Variants in TARS3 observed in about 807,000 individuals in gnomAD.
TARS3 encodes threonine--tRNA ligase 2, cytoplasmic.
A neutral mutation model predicts 103.5 loss-of-function variants in TARS3; 94 were observed. That is an observed-to-expected ratio of 0.91 (90% CI 0.77 to 1.08). The LOEUF is 1.08. TARS3 is among the 50% of genes least tolerant of loss of function. The probability of loss-of-function intolerance (pLI) is 0.00; values close to 1 mark genes in which losing one functional copy is unlikely to be tolerated. For missense variants in TARS3, 952 were observed against 995.2 expected (o/e 0.96, Z 0.58); for synonymous variants, 416 against 355.4 (o/e 1.17, Z -1.92).
At chr15:101,657,959 G>C (rs1216990571) in intron 16 of TARS3, 102 bp from the exon 17 acceptor site, 3 of 708,300 alleles carry the variant, frequency 4.2e-6, no homozygotes, top group Admixed American at 6.1e-5. Flanking sequence ...TTCACAAGAG[G>C]GCAGTTTCAG....
chr15:101,656,223 G>C (rs1394005843), intron 18 of TARS3, among the ~76,000 whole-genome samples: 1 of 152,230 alleles, frequency 6.6e-6, no homozygotes, highest in East Asian at 1.9e-4. Flanking sequence ...TCTAAACCAA[G>C]TTGAGATTTC....
At chr15:101,655,271 G>A (rs539266550) in intron 18 of TARS3, among the ~76,000 whole-genome samples, 2 of 136,700 alleles carry the variant, frequency 1.5e-5, no homozygotes, top group Admixed American at 7.2e-5. Flanking sequence ...GCTCTTACAG[G>A]CTCACAGTGA....
rs149239243 is a variant in TARS3, at chr15:101,712,012, T to G, written c.691-11A>C. On this transcript the variant is annotated splice_polypyrimidine_tract_variant and intron_variant, in intron 4 of 18. Transcript: ENST00000335968. ...GGAGTGCCAGTACACCTGCATGGCA[T>G]GGACAAAGAGGCCATTAGCTACCAA... 160 of 1,607,138 alleles carry G rather than the reference T, an allele frequency of 1.0e-4. No individual in the cohort carries two copies. In the African/African-American group the frequency reaches 2.0e-3, roughly 20 times the overall value.
In TARS3 at chr15:101,671,743, C is replaced by T; in HGVS notation, c.1794G>A (p.Leu598=). Reference sequence around the variant, plus strand: ...CTCCAAAGTCCATCAAGCTGTTCTGCAGTTGCTTTTTCAAAAGAAGAAAAA... The same window carrying T: ...CTCCAAAGTCCATCAAGCTGTTCTGTAGTTGCTTTTTCAAAAGAAGAAAAA... ...IEMWNEAEKQ[L]QNSLMDFGEP... is the part of the protein sequence containing the mutation. Residue 598 remains leucine (L), a synonymous_variant, in exon 14 of 19, where the codon CTG becomes CTA. Coordinates refer to ENST00000335968, the MANE Select transcript of TARS3 (RefSeq NM_152334.3). The T allele has an allele frequency of 6.2e-7, 1 of 1,612,620 alleles. No homozygotes were observed. The highest frequency in any genetic ancestry group is 8.5e-7 in the Non-Finnish European group (1 of 1,179,652).
At chr15:101,718,471 C>A (rs1900276102) in intron 3 of TARS3, among the ~76,000 whole-genome samples, 1 of 152,116 alleles carries the variant, frequency 6.6e-6, no homozygotes, top group South Asian at 2.1e-4. Context: ...GGGAGGCTCC[C>A]TCTGCCCGTG....
rs2141432765 is a variant in TARS3, at chr15:101,703,861, TA to T, written c.1071del (p.Phe357LeufsTer30). Reference protein sequence around the residue: ...HTGKIKTIKIFKNSSTYWEGN... With the variant: ...HTGKIKTIKIXKNSSTYWEGN... ...ATTAAAAAAAAATCAATCCTTACCT[TA>T]AAAATTTTGATGGTTTTAATTTTTC... On this transcript the variant is annotated frameshift_variant, in exon 8 of 19. Coordinates refer to ENST00000335968, the MANE Select transcript of TARS3 (RefSeq NM_152334.3). LOFTEE classifies it high-confidence loss of function. 1 of 1,609,914 alleles carries T rather than the reference TA, an allele frequency of 6.2e-7. No homozygotes were observed. Among genetic ancestry groups the T allele is most frequent in the South Asian group, 1.1e-5 (1 of 90,638 alleles).
intron 13 of TARS3, among the ~76,000 whole-genome samples, chr15:101,674,285 G>A (rs896348849): frequency 1.3e-5 from 2 of 152,144 alleles, no homozygotes; most frequent in East Asian, 1.9e-4. Context: ...TGTGTTACTA[G>A]CAATCTGGAT....
chr15:101,720,009 C>T (rs889709710), intron 3 of TARS3, among the ~76,000 whole-genome samples: 9 of 152,224 alleles, frequency 5.9e-5, no homozygotes, highest in African/African-American at 2.2e-4. Flanking sequence ...TTGAGAAATA[C>T]TGACCCAACA....
rs896340491 is a variant in TARS3 at position 101,712,101 on chromosome 15, A to G, written c.691-100T>C. 4 of 1,313,928 alleles carry G rather than the reference A, an allele frequency of 3.0e-6. No homozygotes were observed. The African/African-American group carries it at 4.5e-5, about 15-fold the overall frequency. The allele number at this position is 1,313,928 out of a possible 1,614,324, so 81.4% of individuals were successfully genotyped here. On this transcript the variant is annotated intron_variant, in intron 4 of 18. Coordinates refer to ENST00000335968, the MANE Select transcript of TARS3 (RefSeq NM_152334.3). ...CCAGTAGAAAATTTTAAGGAGATAC[A>G]TGGCAAGACCAAGGGCAGCAACATC...
chr15:101,684,254 AAC>A lies in TARS3; in HGVS notation c.1488-19_1488-18del, dbSNP rs1275894931. 3 of 1,611,176 alleles carry A rather than the reference AAC, an allele frequency of 1.9e-6. No homozygotes were observed. The highest frequency in any genetic ancestry group is 2.2e-5 in the South Asian group (2 of 90,688). On this transcript the variant is annotated intron_variant, in intron 11 of 18. Coordinates refer to ENST00000335968, the MANE Select transcript of TARS3 (RefSeq NM_152334.3). The stretch of plus-strand genomic sequence containing the variant: ...AACATTAGACTAGAAAAGATGTGGT[AAC>A]ACACAGCTTTTACACAGCACAGAAA...
At chr15:101,695,809 G>C (rs1448009270) in intron 10 of TARS3, 1 of 152,500 alleles carries the variant, frequency 6.6e-6, no homozygotes, top group Non-Finnish European at 1.5e-5. Context: ...GGAGGCTGAG[G>C]CAGGAGAATC....
chr15:101,711,395 C>T (rs775940594), intron 5 of TARS3, among the ~76,000 whole-genome samples: 27 of 152,200 alleles, frequency 1.8e-4, no homozygotes, highest in Non-Finnish European at 2.5e-4. Flanking sequence ...GACCCTTGAA[C>T]AACAAAGGTT....
intron 15 of TARS3, among the ~76,000 whole-genome samples, chr15:101,664,949 T>G (rs1897522805): frequency 6.6e-6 from 1 of 152,164 alleles, no homozygotes; most frequent in Admixed American, 6.5e-5. Flanking sequence ...AACTGAAAAC[T>G]ACAATCACAG....
chr15:101,694,563 A>G (rs901877110), intron 10 of TARS3, among the ~76,000 whole-genome samples: 1 of 152,218 alleles, frequency 6.6e-6, no homozygotes, highest in East Asian at 1.9e-4. Context: ...AACCTCAGGG[A>G]GGACCTTGAG....
intron 10 of TARS3, among the ~76,000 whole-genome samples, chr15:101,697,432 C>A (rs1448021618): frequency 6.6e-6 from 1 of 152,074 alleles, no homozygotes; most frequent in Admixed American, 6.5e-5. Context: ...GGGGAGACGT[C>A]CAGGCAGAAT....
intron 6 of TARS3, among the ~76,000 whole-genome samples, chr15:101,708,086 G>A (rs1475700726): frequency 6.6e-6 from 1 of 151,590 alleles, no homozygotes; most frequent in Non-Finnish European, 1.5e-5. Flanking sequence ...TCTACTAAAA[G>A]GATAGAAAAA....
chr15:101,707,155 T>G (rs1441069174), intron 6 of TARS3, among the ~76,000 whole-genome samples: 4 of 151,796 alleles, frequency 2.6e-5, no homozygotes, highest in African/African-American at 9.7e-5. Flanking sequence ...TCACAACCAT[T>G]AGGATGTCCA....
At chr15:101,683,829 CA>C (rs1898352737) in intron 12 of TARS3, among the ~76,000 whole-genome samples, 1 of 152,098 alleles carries the variant, frequency 6.6e-6, no homozygotes, top group South Asian at 2.1e-4. Context: ...AGAATTCCAC[CA>C]AATCCCTTAA....
Position 101,653,939 on chromosome 15 carries a change from T to C in TARS3, c.*643A>G, listed in dbSNP as rs1596273399. 6.6e-6 allele frequency: 1 copy of C among 152,316 alleles called. No homozygotes were observed. Among genetic ancestry groups the C allele is most frequent in the East Asian group, 1.9e-4 (1 of 5,208 alleles). The allele number at this position is 152,316 out of a possible 1,614,324, so 9.4% of individuals were successfully genotyped here. A position where few individuals can be genotyped will look rare whatever the true frequency, so the allele number is the denominator to read the frequency against. On this transcript the variant is annotated 3_prime_UTR_variant, in exon 19 of 19. Coordinates refer to ENST00000335968, the MANE Select transcript of TARS3 (RefSeq NM_152334.3). ...ACAGCTGAAACGCTGGAAACACTGATGCAATTCATTTGGGAATTTATTTTT... is the reference window on the plus strand; with the variant it reads ...ACAGCTGAAACGCTGGAAACACTGACGCAATTCATTTGGGAATTTATTTTT...
Sources: gnomAD v4.1 joint callset for allele counts (sites outside exome capture counted in the v4.1 genomes callset) on GRCh38, gnomAD v4.1.1 for gene constraint, MANE v1.5 for transcripts, NCBI Gene and HGNC (gene_info 2026-07-23, HGNC 2026-07-21) for gene names.